FHIT: variants seen among roughly 807,000 people sequenced by gnomAD.
FHIT encodes fragile histidine triad diadenosine triphosphatase, also known as bis(5'-adenosyl)-triphosphatase.
Under a neutral mutation model 17.9 loss-of-function variants are expected in FHIT, and 19 were observed. That is an observed-to-expected ratio of 1.06 (90% CI 0.74 to 1.56). The LOEUF is 1.56. FHIT is among the 40% of genes most tolerant of loss of function. FHIT has a pLI of 0.00. For missense variants in FHIT, 248 were observed against 189.2 expected (o/e 1.31, Z -1.82); for synonymous variants, 81 against 69.7 (o/e 1.16, Z -0.81).
At chr3:61,012,674 A>C (rs1001745763) in intron 3 of FHIT, among the ~76,000 whole-genome samples, 1 of 151,482 alleles carries the variant, frequency 6.6e-6, no homozygotes, top group Admixed American at 6.6e-5. Context: ...CAATAATTTT[A>C]ACTTTTATAT....
chr3:60,912,048 C>T (rs997400796), intron 3 of FHIT, among the ~76,000 whole-genome samples: 8 of 92,750 alleles, frequency 8.6e-5, no homozygotes, highest in Admixed American at 2.8e-4. Flanking sequence ...TACACACACA[C>T]ACACATACAC....
chr3:60,040,442 C>T (rs1226478031), intron 5 of FHIT, among the ~76,000 whole-genome samples: 1 of 152,168 alleles, frequency 6.6e-6, no homozygotes, highest in African/African-American at 2.4e-5. Flanking sequence ...CCGCGCCTGG[C>T]CTTTCCTTCT....
chr3:60,839,822 C>T (rs1052920254), intron 3 of FHIT, among the ~76,000 whole-genome samples: 4 of 152,042 alleles, frequency 2.6e-5, no homozygotes, highest in Admixed American at 2.6e-4. Flanking sequence ...TAACTGCTAT[C>T]GCACTTCTGG....
intron 7 of FHIT, among the ~76,000 whole-genome samples, chr3:59,973,974 G>C (rs1484190524): frequency 7.6e-6 from 1 of 130,830 alleles, no homozygotes; most frequent in Non-Finnish European, 1.7e-5. Context: ...ATTTGTAGGG[G>C]ATAAAGAAAA....
At chr3:59,803,714 C>A (rs1700088965) in intron 8 of FHIT, among the ~76,000 whole-genome samples, 1 of 152,076 alleles carries the variant, frequency 6.6e-6, no homozygotes, top group Admixed American at 6.6e-5. Flanking sequence ...CCCCAAATTT[C>A]TTTTTGTCAG....
At chr3:60,041,809 T>C (rs1271137937) in intron 5 of FHIT, among the ~76,000 whole-genome samples, 1 of 152,148 alleles carries the variant, frequency 6.6e-6, no homozygotes, top group Admixed American at 6.5e-5. Flanking sequence ...GGGACAAAGG[T>C]CAAGAGAAGG....
intron 2 of FHIT, among the ~76,000 whole-genome samples, chr3:61,196,800 T>C (rs2038864114): frequency 1.3e-5 from 2 of 152,200 alleles, no homozygotes; most frequent in South Asian, 2.1e-4. Context: ...CAACCGGAAC[T>C]GTGGCCTTCC....
intron 3 of FHIT, among the ~76,000 whole-genome samples, chr3:60,966,204 G>A (rs1212079506): frequency 6.6e-6 from 1 of 152,204 alleles, no homozygotes; most frequent in Non-Finnish European, 1.5e-5. Context: ...TGCTAGCAGA[G>A]AGTGAAGCCC....
intron 2 of FHIT, among the ~76,000 whole-genome samples, chr3:61,190,998 G>T (rs944979667): frequency 6.6e-6 from 1 of 151,302 alleles, no homozygotes; most frequent in Non-Finnish European, 1.5e-5. Context: ...GAGTTAATGG[G>T]GGCAGCACAC....
chr3:60,419,587 C>A (rs774883403), intron 5 of FHIT, among the ~76,000 whole-genome samples: 26 of 152,178 alleles, frequency 1.7e-4, no homozygotes, highest in Non-Finnish European at 2.9e-4. Context: ...GAGGTGGGCT[C>A]ATTGACTTTT....
chr3:59,875,136 A>G (rs1037537953), intron 8 of FHIT, among the ~76,000 whole-genome samples: 5 of 152,094 alleles, frequency 3.3e-5, no homozygotes, highest in African/African-American at 1.2e-4. Flanking sequence ...GAGTGCTTTG[A>G]TCCAACACTG....
chr3:59,986,498 AATATATATATATATATATATATATATAT>A (rs74199531), intron 7 of FHIT, among the ~76,000 whole-genome samples: 10 of 62,334 alleles, frequency 1.6e-4, no homozygotes, highest in South Asian at 1.3e-3. Flanking sequence ...AGTAGTCCAA[AATATATATATATATATATATATATATAT>A]ATATATATAT....
chr3:60,485,746 T>A (rs2033810891), intron 5 of FHIT, among the ~76,000 whole-genome samples: 1 of 152,104 alleles, frequency 6.6e-6, no homozygotes, highest in Non-Finnish European at 1.5e-5. Flanking sequence ...AACCTGCATG[T>A]TCTGCACGTG....
intron 2 of FHIT, among the ~76,000 whole-genome samples, chr3:61,113,078 A>G (rs1376098014): frequency 6.6e-6 from 1 of 152,012 alleles, no homozygotes; most frequent in Non-Finnish European, 1.5e-5. Flanking sequence ...ATCATGGCTT[A>G]CTGCTGCCTT....
intron 3 of FHIT, among the ~76,000 whole-genome samples, chr3:61,018,614 A>G (rs2032242144): frequency 6.6e-6 from 1 of 152,228 alleles, no homozygotes. Flanking sequence ...CCCAGCAAGG[A>G]AAGTTCAAAG....
At chr3:61,104,065 C>T (rs1183462497) in intron 2 of FHIT, among the ~76,000 whole-genome samples, 1 of 152,028 alleles carries the variant, frequency 6.6e-6, no homozygotes, top group Admixed American at 6.6e-5. Flanking sequence ...AGTCCATTTA[C>T]ATTTAAGGTT....
intron 4 of FHIT, chr3:60,553,458 A>ATT (rs1311392889): frequency 1.1e-4 from 37 of 348,604 alleles, no homozygotes; most frequent in African/African-American, 6.8e-4. Context: ...ATATATATAT[A>ATT]TTTTATATTT....
intron 3 of FHIT, among the ~76,000 whole-genome samples, chr3:60,894,516 C>A (rs1282396644): frequency 6.6e-6 from 1 of 151,978 alleles, no homozygotes; most frequent in African/African-American, 2.4e-5. Context: ...GCACAGATAC[C>A]CCTTGGAGTC....
chr3:59,843,258 C>T (rs547294391), intron 8 of FHIT, among the ~76,000 whole-genome samples: 3 of 152,190 alleles, frequency 2.0e-5, no homozygotes, highest in African/African-American at 2.4e-5. Context: ...CCTCTATCCT[C>T]TATTCTATTC....
Sources: gnomAD v4.1 joint callset for allele counts (sites outside exome capture counted in the v4.1 genomes callset) on GRCh38, gnomAD v4.1.1 for gene constraint, MANE v1.5 for transcripts, NCBI Gene and HGNC (gene_info 2026-07-23, HGNC 2026-07-21) for gene names.